Variants in NEDD4 observed in about 807,000 individuals in gnomAD.
The protein encoded by NEDD4 is E3 ubiquitin-protein ligase NEDD4.
In NEDD4, 99 loss-of-function variants were observed where a neutral mutation model predicts 144.9. The observed-to-expected ratio is 0.68, with a 90% CI of 0.58 to 0.81. The LOEUF is 0.81. NEDD4 is among the 30% of genes least tolerant of loss of function. NEDD4 has a pLI of 0.00. For synonymous variants in NEDD4, 318 were observed against 350.6 expected (o/e 0.91, Z 1.04); for missense variants, 985 against 1,065.9 (o/e 0.92, Z 1.06).
Position 55,829,751 on chromosome 15 carries a change from A to C in NEDD4, c.*146T>G. The C allele has an allele frequency of 1.7e-6, 1 of 590,578 alleles. No homozygotes were observed. Among genetic ancestry groups the C allele is most frequent in the South Asian group, 2.2e-5 (1 of 46,476 alleles). The allele number at this position is 590,578 out of a possible 1,614,324, so 36.6% of individuals were successfully genotyped here. ...GTGATTAAAAATAAGTTGTCGTACT[A>C]TTTCTTCAAATGCTTTTTATATGAT... On this transcript the variant is annotated 3_prime_UTR_variant, in exon 29 of 29. Coordinates refer to ENST00000435532, the MANE Select transcript of NEDD4 (RefSeq NM_006154.4).
At chr15:55,964,222 TG>T (rs775307079) in intron 2 of NEDD4, among the ~76,000 whole-genome samples, 7 of 152,148 alleles carry the variant, frequency 4.6e-5, no homozygotes, top group Non-Finnish European at 7.4e-5. Flanking sequence ...TGTGTTAGAC[TG>T]TAAGATATTA....
chr15:55,845,526 G>GTT (rs143584252), intron 18 of NEDD4, among the ~76,000 whole-genome samples: 20 of 148,270 alleles, frequency 1.3e-4, no homozygotes, highest in South Asian at 6.4e-4. Flanking sequence ...TTTTATCATG[G>GTT]TTTTTTTTTT....
intron 5 of NEDD4, among the ~76,000 whole-genome samples, chr15:55,878,571 A>G (rs759046864): frequency 1.1e-4 from 16 of 152,346 alleles, no homozygotes; most frequent in Non-Finnish European, 1.6e-4. Flanking sequence ...AAAGTTAAAC[A>G]TATACCAGTA....
At chr15:55,903,820 A>G (rs1476204986) in intron 5 of NEDD4, among the ~76,000 whole-genome samples, 2 of 103,104 alleles carry the variant, frequency 1.9e-5, no homozygotes, top group South Asian at 3.6e-4. Flanking sequence ...GTGAGACTCC[A>G]TCTCAAAAAA....
At chr15:55,952,031 A>C (rs1205417221) in intron 2 of NEDD4, among the ~76,000 whole-genome samples, 2 of 151,834 alleles carry the variant, frequency 1.3e-5, no homozygotes, top group East Asian at 1.9e-4. Context: ...AAAAAAAAAA[A>C]ACAAAAACTA....
At chr15:55,920,347 A>G (rs1352939528) in intron 5 of NEDD4, among the ~76,000 whole-genome samples, 1 of 152,144 alleles carries the variant, frequency 6.6e-6, no homozygotes, top group Non-Finnish European at 1.5e-5. Flanking sequence ...CACCCAGAAT[A>G]TAGGTGGCTC....
At chr15:55,915,677 T>G (rs1418509200) in intron 5 of NEDD4, 1 of 1,613,876 alleles carries the variant, frequency 6.2e-7, no homozygotes, top group Non-Finnish European at 8.5e-7. Flanking sequence ...CTAATGTAGC[T>G]GCTTTTCGTT....
chr15:55,863,702 G>T (rs575151081), intron 8 of NEDD4, among the ~76,000 whole-genome samples: 6 of 152,294 alleles, frequency 3.9e-5, no homozygotes, highest in South Asian at 4.1e-4. Context: ...ATCTTAGGCT[G>T]TTCTCTAAAT....
At chr15:55,849,511 C>CA (rs1208734447) in intron 14 of NEDD4, among the ~76,000 whole-genome samples, 1 of 151,880 alleles carries the variant, frequency 6.6e-6, no homozygotes, top group Admixed American at 6.6e-5. Flanking sequence ...TGTGCCTGGC[C>CA]CTGGACCACA....
intron 5 of NEDD4, among the ~76,000 whole-genome samples, chr15:55,892,778 T>C (rs1442757635): frequency 6.6e-6 from 1 of 152,170 alleles, no homozygotes; most frequent in Non-Finnish European, 1.5e-5. Flanking sequence ...CCCTTCAACA[T>C]TATCTTTCAT....
intron 18 of NEDD4, among the ~76,000 whole-genome samples, chr15:55,846,701 G>A (rs1859488842): frequency 6.6e-6 from 1 of 151,904 alleles, no homozygotes; most frequent in South Asian, 2.1e-4. Context: ...AACCCCACAG[G>A]GATACACCAG....
At position 55,839,999 on chromosome 15, in the gene NEDD4, AATATATATATATATATATATATAT is replaced by A. The variant is rs1176994871; in HGVS notation, c.2031+424_2031+447del. On this transcript the variant is annotated intron_variant, in intron 21 of 28. Coordinates refer to ENST00000435532, the MANE Select transcript of NEDD4 (RefSeq NM_006154.4). ...AAAAAAAAAAAAAAAAAAAAAAAAA[AATATATATATATATATATATATAT>A]ATATATATATATATATATAACATTC... Among the ~76,000 whole-genome samples the A allele has an allele frequency of 2.0e-3, 53 of 26,128 alleles. 1 individual carries two copies. The highest frequency in any genetic ancestry group is 6.0e-3 in the African/African-American group (40 of 6,632). 17.1% of individuals were successfully genotyped at this position (26,128 alleles called of 152,430 possible). A position where few individuals can be genotyped will look rare whatever the true frequency, so the allele number is the denominator to read the frequency against.
At chr15:55,967,643 TA>T (rs1372995733) in intron 1 of NEDD4, among the ~76,000 whole-genome samples, 1 of 150,602 alleles carries the variant, frequency 6.6e-6, no homozygotes, top group Non-Finnish European at 1.5e-5. Context: ...AAAACATGTA[TA>T]TTTTTTAAAA....
intron 6 of NEDD4, among the ~76,000 whole-genome samples, chr15:55,872,900 T>C (rs559540422): frequency 4.0e-5 from 6 of 150,648 alleles, no homozygotes; most frequent in East Asian, 1.9e-4. Context: ...TGAAAGCTTA[T>C]GGTCCTGCAC....
chr15:55,874,791 C>T (rs1595781481), intron 5 of NEDD4, among the ~76,000 whole-genome samples: 2 of 151,998 alleles, frequency 1.3e-5, no homozygotes, highest in African/African-American at 4.8e-5. Flanking sequence ...CTGACCAACA[C>T]GGTGAAACCT....
Position 55,969,689 on chromosome 15 carries a change from G to A in NEDD4, c.46-3143C>T, listed in dbSNP as rs2037575349. Among the ~76,000 whole-genome samples, 4 of 151,960 alleles carry A rather than the reference G, an allele frequency of 2.6e-5. No individual in the cohort carries two copies. The East Asian group carries it at 7.8e-4, about 30-fold the overall frequency. On this transcript the variant is annotated intron_variant, in intron 1 of 28. Transcript: ENST00000435532. The stretch of plus-strand genomic sequence containing the variant: ...GGGGAACCTGCCACCCTGAAGGAAA[G>A]GACCCAGTCCTGCCAGATTTCACTA...
chr15:55,845,156 G>A (rs1460952365), intron 18 of NEDD4, among the ~76,000 whole-genome samples: 1 of 151,886 alleles, frequency 6.6e-6, no homozygotes, highest in African/African-American at 2.4e-5. Context: ...CCTCCTTCTG[G>A]GGTGACTTCA....
intron 7 of NEDD4, among the ~76,000 whole-genome samples, chr15:55,870,771 G>A (rs1321876482): frequency 6.6e-6 from 1 of 151,970 alleles, no homozygotes; most frequent in Non-Finnish European, 1.5e-5. Context: ...CTGGGCTCAA[G>A]CAATCCACCC....
intron 1 of NEDD4, among the ~76,000 whole-genome samples, chr15:55,986,271 G>A (rs1170603257): frequency 1.3e-5 from 2 of 152,172 alleles, no homozygotes; most frequent in African/African-American, 2.4e-5. Context: ...AAGACTTGAC[G>A]AGAAATAGGA....
Sources: gnomAD v4.1 joint callset for allele counts (sites outside exome capture counted in the v4.1 genomes callset) on GRCh38, gnomAD v4.1.1 for gene constraint, MANE v1.5 for transcripts, NCBI Gene and HGNC (gene_info 2026-07-23, HGNC 2026-07-21) for gene names.